Variants in RUNX1 observed in about 807,000 individuals in gnomAD.
The protein encoded by RUNX1 is RUNX family transcription factor 1, also known as runt-related transcription factor 1.
In RUNX1, 19 loss-of-function variants were observed where a neutral mutation model predicts 42.8. The ratio of observed to expected loss-of-function variants is 0.44; its 90% CI spans 0.31 to 0.65. RUNX1 has a LOEUF of 0.65. Among genes scored for constraint, RUNX1 ranks in the 30% least tolerant of loss-of-function variants. The pLI is 0.07. For synonymous variants in RUNX1, 271 were observed against 289.4 expected, an observed-to-expected ratio of 0.94 and a Z score of 0.64; for missense variants, 528 against 672.0, an observed-to-expected ratio of 0.79 and a Z score of 2.37.
chr21:34,897,580 T>G (rs939718923), intron 2 of RUNX1, among the ~76,000 whole-genome samples: 27 of 152,222 alleles, frequency 1.8e-4, no homozygotes, highest in African/African-American at 6.5e-4. Context: ...TTATAGCTAT[T>G]TAAATATATT....
chr21:34,889,747 G>C (rs988004819), intron 3 of RUNX1: 3 of 1,165,396 alleles, frequency 2.6e-6, no homozygotes, highest in Admixed American at 4.9e-5. Flanking sequence ...TTTTCGCGGA[G>C]CTCGGAGGGC....
In RUNX1 at chr21:35,045,864, G is replaced by T. The variant is rs141312940; in HGVS notation, c.58+2978C>A. On this transcript the variant is annotated intron_variant, in intron 2 of 8. Transcript: ENST00000675419. ...CAGTGGGGTAAACTTGAACCGCTGA[G>T]AAGACAAGCAGGGAGTCGGTCTCGC... Among the ~76,000 whole-genome samples, 546 of 152,258 alleles carry T rather than the reference G, an allele frequency of 3.6e-3. 7 individuals are homozygous for T. The highest frequency in any genetic ancestry group is 0.013 in the African/African-American group (520 of 41,556).
In RUNX1 at chr21:34,844,193, G is replaced by A. The variant is rs994183919; in HGVS notation, c.614-9592C>T. The stretch of plus-strand genomic sequence containing the variant: ...CCCAGGGACAGACTCTAAAGAGAAG[G>A]CGACTTGCAGAAGAGAAAGAAAGTA... On this transcript the variant is annotated intron_variant, in intron 6 of 8. Coordinates refer to ENST00000675419, the MANE Select transcript of RUNX1 (RefSeq NM_001754.5). Among the ~76,000 whole-genome samples, 8 of 152,304 alleles carry A rather than the reference G, an allele frequency of 5.3e-5. No individual in the cohort carries two copies. In the South Asian group the frequency reaches 8.3e-4, roughly 16 times the overall value.
intron 2 of RUNX1, among the ~76,000 whole-genome samples, chr21:34,897,426 G>A (rs1040370422): frequency 5.3e-5 from 8 of 152,190 alleles, no homozygotes; most frequent in Non-Finnish European, 1.2e-4. Context: ...CAGTTCTGCA[G>A]GATTAAGAGC....
chr21:34,837,211 G>GCTT (rs2057159613), intron 6 of RUNX1, among the ~76,000 whole-genome samples: 1 of 152,144 alleles, frequency 6.6e-6, no homozygotes, highest in African/African-American at 2.4e-5. Context: ...TAAGCCCTGG[G>GCTT]AGTCTCAGGG....
chr21:35,001,465 A>G (rs1370889669), intron 2 of RUNX1, among the ~76,000 whole-genome samples: 1 of 152,126 alleles, frequency 6.6e-6, no homozygotes, highest in Admixed American at 6.5e-5. Flanking sequence ...GCCCAAATAA[A>G]GACTAAATAT....
At chr21:34,886,649 G>A (rs1255388189) in intron 4 of RUNX1, among the ~76,000 whole-genome samples, 194 bp downstream of exon 4, 3 of 152,254 alleles carry the variant, frequency 2.0e-5, no homozygotes, top group African/African-American at 7.2e-5. Flanking sequence ...GCCCCAGAAA[G>A]CTGAGACGAG....
intron 2 of RUNX1, among the ~76,000 whole-genome samples, chr21:34,940,676 T>C (rs1325272972): frequency 6.6e-6 from 1 of 152,224 alleles, no homozygotes; most frequent in Non-Finnish European, 1.5e-5. Flanking sequence ...GCTTGTAAAC[T>C]CTTCAGAAGT....
At chr21:35,047,930 C>T (rs985932740) in intron 2 of RUNX1, among the ~76,000 whole-genome samples, 6 of 152,164 alleles carry the variant, frequency 3.9e-5, no homozygotes, top group Non-Finnish European at 5.9e-5. Flanking sequence ...GCACAGCCCT[C>T]TTTTACCACG....
chr21:34,891,025 TAGC>T (rs1462554204), intron 3 of RUNX1, among the ~76,000 whole-genome samples: 1 of 151,446 alleles, frequency 6.6e-6, no homozygotes, highest in Non-Finnish European at 1.5e-5. Flanking sequence ...CCAGGGGAAA[TAGC>T]AGACTCGGGT....
chr21:34,850,177 G>T (rs2146185201), intron 6 of RUNX1, among the ~76,000 whole-genome samples: 1 of 152,342 alleles, frequency 6.6e-6, no homozygotes, highest in East Asian at 1.9e-4. Context: ...CTGGGATGCT[G>T]TGACTGCCAA....
intron 2 of RUNX1, among the ~76,000 whole-genome samples, chr21:34,894,211 C>A (rs1254968101): frequency 6.6e-6 from 1 of 152,010 alleles, no homozygotes; most frequent in East Asian, 1.9e-4. Context: ...GACAGCACAC[C>A]CAGCGGAACC....
At chr21:34,931,768 T>C (rs2058449194) in intron 2 of RUNX1, among the ~76,000 whole-genome samples, 1 of 151,702 alleles carries the variant, frequency 6.6e-6, no homozygotes, top group African/African-American at 2.4e-5. Flanking sequence ...GGGGAAGATG[T>C]GGCTGGCTAT....
chr21:34,993,622 G>GACACACACAGGC (rs2058965894), intron 2 of RUNX1, among the ~76,000 whole-genome samples: 2 of 46,530 alleles, frequency 4.3e-5, no homozygotes, highest in East Asian at 5.5e-4. Flanking sequence ...CACACACACA[G>GACACACACAGGC]ACACACACAC....
At chr21:35,037,910 A>G (rs1343035686) in intron 2 of RUNX1, among the ~76,000 whole-genome samples, 1 of 134,106 alleles carries the variant, frequency 7.5e-6, no homozygotes, top group Non-Finnish European at 1.6e-5. Context: ...ACATGATGAG[A>G]GAGGCAGACA....
chr21:34,944,348 A>C (rs1331440786), intron 2 of RUNX1, among the ~76,000 whole-genome samples: 2 of 152,158 alleles, frequency 1.3e-5, no homozygotes, highest in African/African-American at 4.8e-5. Flanking sequence ...ACTCGTACTA[A>C]ACAAAACTAG....
At chr21:34,822,982 C>T (rs1439575284) in intron 7 of RUNX1, among the ~76,000 whole-genome samples, 1 of 152,158 alleles carries the variant, frequency 6.6e-6, no homozygotes, top group Non-Finnish European at 1.5e-5. Flanking sequence ...ATATGTAGTC[C>T]TTCCAGTGAT....
intron 2 of RUNX1, among the ~76,000 whole-genome samples, chr21:34,906,525 G>C (rs2146504911): frequency 6.6e-6 from 1 of 152,244 alleles, no homozygotes; most frequent in Admixed American, 6.5e-5. Context: ...TATTAATTTA[G>C]GAACAATTAT....
chr21:34,964,499 A>AAAAAG, intron 2 of RUNX1, among the ~76,000 whole-genome samples: 1 of 152,090 alleles, frequency 6.6e-6, no homozygotes, highest in East Asian at 1.9e-4. Flanking sequence ...AAAAAAAAAA[A>AAAAAG]AAAAGAAAAG....
Sources: allele counts gnomAD v4.1 joint callset (sites outside exome capture counted in the v4.1 genomes callset), GRCh38; gene constraint gnomAD v4.1.1; transcripts MANE v1.5; gene names NCBI Gene and HGNC (gene_info 2026-07-23, HGNC 2026-07-21).